LRRC18: variants seen among roughly 807,000 people sequenced by gnomAD.
The protein encoded by LRRC18 is leucine rich repeat containing 18.
Under a neutral mutation model 11.2 loss-of-function variants are expected in LRRC18, and 12 were observed. The observed-to-expected ratio is 1.07, with a 90% CI of 0.69 to 1.74. The LOEUF (loss-of-function observed/expected upper bound fraction) is 1.74. LRRC18 is among the 40% of genes most tolerant of loss of function. The pLI is 0.00. For missense variants in LRRC18, 374 were observed against 330.5 expected (o/e 1.13, Z -1.02); for synonymous variants, 155 against 130.6 (o/e 1.19, Z -1.27).
the LRRC18 span, among the ~76,000 whole-genome samples, chr10:48,936,837 CAA>C: frequency 5.1e-5 from 3 of 59,256 alleles, no homozygotes; most frequent in Non-Finnish European, 1.1e-4. Flanking sequence ...GACTCCGTCT[CAA>C]AAAAAAAAAA....
At chr10:48,913,965 T>C (rs1838257611) in exon 1 of LRRC18, 1 of 1,614,066 alleles carries the variant, frequency 6.2e-7, no homozygotes. Context: ...GTCAGGGATC[T>C]TCCTGATAAG....
At chr10:48,932,517 C>T in the LRRC18 span, 1 of 152,178 alleles carries the variant, frequency 6.6e-6, no homozygotes. Flanking sequence ...ACAGTTCAGT[C>T]TCCTCATTCA....
chr10:48,915,225 T>G (rs1003437443), upstream of LRRC18, among the ~76,000 whole-genome samples: 2 of 152,224 alleles, frequency 1.3e-5, no homozygotes, highest in African/African-American at 4.8e-5. Context: ...TTGATTAATG[T>G]TAGTTATTAA....
At chr10:48,910,374 G>C in intron 1 of LRRC18, 116 bp from the exon 4 acceptor site, 1 of 884,662 alleles carries the variant, frequency 1.1e-6, no homozygotes, top group Non-Finnish European at 1.9e-6. Flanking sequence ...AGGATGGTCA[G>C]GTTAGTGTGA....
At chr10:48,939,071 G>C in the LRRC18 span, among the ~76,000 whole-genome samples, 1 of 152,174 alleles carries the variant, frequency 6.6e-6, no homozygotes, top group Admixed American at 6.5e-5. Context: ...CAAACCCTGA[G>C]GAGCTTCTCA....
At position 48,913,481 on chromosome 10, in the gene LRRC18, C is replaced by T. The variant is rs148385977; in HGVS notation, c.675G>A (p.Lys225=). 1.8e-3 allele frequency: 2,804 copies of T among 1,553,308 alleles called. 10 individuals are homozygous for T. The Middle Eastern group carries it at 0.018, about 10-fold the overall frequency. ...TTCTCGGTGTCGTCGTGGCCATGTTCTTGATTCTATTCAGGTTGTCCCGGG... is the reference window on the plus strand; with the variant it reads ...TTCTCGGTGTCGTCGTGGCCATGTTTTTGATTCTATTCAGGTTGTCCCGGG... The change falls in exon 1 of 2, where the codon AAG becomes AAA. Residue 225 remains lysine (K), a synonymous_variant. Coordinates refer to ENST00000374160, the Ensembl canonical transcript of LRRC18.
the LRRC18 span, among the ~76,000 whole-genome samples, chr10:48,939,290 G>T: frequency 2.0e-5 from 3 of 152,244 alleles, no homozygotes; most frequent in African/African-American, 7.2e-5. Flanking sequence ...CGCCTGTTGA[G>T]TAGCTCCGTG....
rs377713029 is a variant in LRRC18 at position 48,913,929 on chromosome 10, C to T, written c.227G>A (p.Arg76Gln). 3.3e-5 allele frequency: 53 copies of T among 1,614,072 alleles called. No homozygotes were observed. The South Asian group carries it at 3.3e-4, about 10-fold the overall frequency. The stretch of plus-strand genomic sequence containing the variant: ...GTAGTTGCTGTGCAGGTCCAGCCAC[C>T]GGAGGTTCTGGAACTTGGAGATGGA... Residue 76 changes from arginine to glutamine, a missense_variant, in exon 1 of 2, where the codon CGG becomes CAG. Physicochemically the swap from Arg to Gln is conservative, Grantham distance 43 (BLOSUM62 1). Coordinates refer to ENST00000374160, the Ensembl canonical transcript of LRRC18.
At chr10:48,935,886 A>C in the LRRC18 span, among the ~76,000 whole-genome samples, 1 of 140,042 alleles carries the variant, frequency 7.1e-6, no homozygotes, top group East Asian at 2.1e-4. Flanking sequence ...GAAATTATCT[A>C]TTTGTGCATC....
upstream of LRRC18, among the ~76,000 whole-genome samples, chr10:48,915,049 A>G (rs1214566437): frequency 6.6e-6 from 1 of 152,170 alleles, no homozygotes; most frequent in Non-Finnish European, 1.5e-5. Context: ...TGGCTTCTGC[A>G]TGCTTGGCTT....
At chr10:48,919,479 C>T in the LRRC18 span, among the ~76,000 whole-genome samples, 1 of 152,202 alleles carries the variant, frequency 6.6e-6, no homozygotes, top group Non-Finnish European at 1.5e-5. Flanking sequence ...TCTTGGTCCA[C>T]TCAGGCTACT....
At chr10:48,925,552 A>C in the LRRC18 span, among the ~76,000 whole-genome samples, 1 of 152,316 alleles carries the variant, frequency 6.6e-6, no homozygotes, top group South Asian at 2.1e-4. Context: ...GTATAAACAT[A>C]AAGTGTTTTC....
the LRRC18 span, among the ~76,000 whole-genome samples, chr10:48,926,034 C>T: frequency 2.0e-5 from 3 of 152,184 alleles, no homozygotes; most frequent in Non-Finnish European, 2.9e-5. Context: ...GTGTCTGATA[C>T]GCAAGCTGGT....
chr10:48,920,691 T>C, the LRRC18 span, among the ~76,000 whole-genome samples: 1 of 152,152 alleles, frequency 6.6e-6, no homozygotes, highest in Admixed American at 6.6e-5. Flanking sequence ...AATAAAGGCA[T>C]ACAGACAGAA....
chr10:48,913,659 A>T (rs1457485985), exon 1 of LRRC18: 1 of 1,613,146 alleles, frequency 6.2e-7, no homozygotes, highest in Admixed American at 1.7e-5. Context: ...CAGCTTGGGG[A>T]GCTTGGAGAT....
At chr10:48,921,379 A>C in the LRRC18 span, among the ~76,000 whole-genome samples, 1 of 152,188 alleles carries the variant, frequency 6.6e-6, no homozygotes, top group Non-Finnish European at 1.5e-5. Context: ...GAGAAAATGA[A>C]CTCTTTAACA....
chr10:48,913,759 G>C, exon 1 of LRRC18: 1 of 1,614,080 alleles, frequency 6.2e-7, no homozygotes, highest in South Asian at 1.1e-5. Flanking sequence ...ACGCTGTCCA[G>C]GTGGTTCAAG....
upstream of LRRC18, among the ~76,000 whole-genome samples, chr10:48,918,691 G>A (rs949368818): frequency 1.3e-5 from 2 of 152,158 alleles, no homozygotes; most frequent in African/African-American, 2.4e-5. Flanking sequence ...CAAGGAAAAG[G>A]GTTTCTCAAC....
At chr10:48,918,537 G>A (rs1838759193), upstream of LRRC18, among the ~76,000 whole-genome samples, 1 of 152,114 alleles carries the variant, frequency 6.6e-6, no homozygotes, top group Admixed American at 6.5e-5. Flanking sequence ...AATCCTAAAT[G>A]TGTATGTACC....
Sources: allele counts gnomAD v4.1 joint callset (sites outside exome capture counted in the v4.1 genomes callset), GRCh38; gene constraint gnomAD v4.1.1; transcripts MANE v1.5; gene names NCBI Gene and HGNC (gene_info 2026-07-23, HGNC 2026-07-21).